Variants in ASMTL observed in about 807,000 individuals in gnomAD.
ASMTL encodes the protein acetylserotonin O-methyltransferase like, also known as probable bifunctional dTTP/UTP pyrophosphatase/methyltransferase protein.
Under a neutral mutation model 60.3 loss-of-function variants are expected in ASMTL, and 57 were observed. The ratio of observed to expected loss-of-function variants is 0.95; its 90% confidence interval spans 0.76 to 1.18. ASMTL has a LOEUF of 1.18. Among genes scored for constraint, ASMTL ranks in the 50% most tolerant of loss-of-function variants. The probability of loss-of-function intolerance (pLI) is 0.00; values close to 1 mark genes in which losing one functional copy is unlikely to be tolerated. For missense variants in ASMTL, 981 were observed against 852.6 expected (o/e 1.15, Z -1.88); for synonymous variants, 419 against 373.0 (o/e 1.12, Z -1.42).
In ASMTL at chrX:1,428,125, G is replaced by C; in HGVS notation, c.510-4C>G. 2 of 1,598,546 alleles carry C rather than the reference G, an allele frequency of 1.3e-6. No homozygotes were observed. The highest frequency in any genetic ancestry group is 1.7e-6 in the Non-Finnish European group (2 of 1,168,672). On this transcript the variant is annotated splice_region_variant and splice_polypyrimidine_tract_variant and intron_variant, in intron 6 of 12. Coordinates refer to ENST00000381317, the MANE Select transcript of ASMTL (RefSeq NM_004192.4). ...CCCGTAGCCGCCAGCTTTGTCCCTGGGTGGGCAGGGGAAGGTAAGAGGTGA... is the reference window on the plus strand; with the variant it reads ...CCCGTAGCCGCCAGCTTTGTCCCTGCGTGGGCAGGGGAAGGTAAGAGGTGA...
chrX:1,415,992 CAG>C (rs1389507812), intron 11 of ASMTL, among the ~76,000 whole-genome samples: 2 of 151,866 alleles, frequency 1.3e-5, no homozygotes, highest in African/African-American at 2.4e-5. Context: ...CATGGACACA[CAG>C]ATACAGCAAG....
intron 11 of ASMTL, among the ~76,000 whole-genome samples, chrX:1,417,340 C>A (rs1338879743): frequency 6.6e-6 from 1 of 151,778 alleles, no homozygotes; most frequent in Non-Finnish European, 1.5e-5. Context: ...CATATATCCA[C>A]ACGGATGCAC....
rs1199382256 is a variant in ASMTL at position 1,425,894 on chromosome X, T to A, written c.898-207A>T. Among the ~76,000 whole-genome samples the A allele has an allele frequency of 2.0e-5, 3 of 152,034 alleles. No individual in the cohort carries two copies. In the East Asian group the frequency reaches 5.8e-4, roughly 29 times the overall value. ...CAAGGAAAAAGCACATCAACGAATATCATGCAGAAAAACTAGCCCATGGGA... is the reference window on the plus strand; with the variant it reads ...CAAGGAAAAAGCACATCAACGAATAACATGCAGAAAAACTAGCCCATGGGA... On this transcript the variant is annotated intron_variant, in intron 7 of 12. Coordinates refer to ENST00000381317, the MANE Select transcript of ASMTL (RefSeq NM_004192.4).
chrX:1,428,358 A>G (rs1460183145), intron 6 of ASMTL, among the ~76,000 whole-genome samples: 1 of 151,482 alleles, frequency 6.6e-6, no homozygotes, highest in Non-Finnish European at 1.5e-5. Flanking sequence ...ATTTCACAGC[A>G]AGGCTGGGCG....
intron 5 of ASMTL, among the ~76,000 whole-genome samples, chrX:1,433,834 G>C (rs190621958): frequency 4.6e-5 from 7 of 152,222 alleles, no homozygotes; most frequent in Non-Finnish European, 1.0e-4. Flanking sequence ...CTTCTGTCTG[G>C]CACTTCCTGA....
chrX:1,417,975 G>A lies in ASMTL; in HGVS notation c.1520C>T (p.Ala507Val), dbSNP rs1455119086. 1.2e-6 allele frequency: 2 copies of A among 1,608,178 alleles called. No homozygotes were observed. Among genetic ancestry groups the A allele is most frequent in the Non-Finnish European group, 1.7e-6 (2 of 1,176,234 alleles). Residue 507 changes from alanine to valine, a missense_variant and splice_region_variant, in exon 11 of 13, where the codon GCA (alanine) becomes GTA (valine). By Grantham distance (64) the Ala-to-Val change is moderately conservative. Coordinates refer to ENST00000381317, the MANE Select transcript of ASMTL (RefSeq NM_004192.4). ...GGGTGAACAGGAGGAGGGCTCACCT[G>A]CTGCGAAGTGGATCTGCACTGCCTG... ...GPQAVQIHFA[A>V]GDFFRDPLPS... is the part of the protein sequence containing the mutation.
At chrX:1,422,371 GCTTC>G (rs2090504405) in intron 8 of ASMTL, among the ~76,000 whole-genome samples, 1 of 152,168 alleles carries the variant, frequency 6.6e-6, no homozygotes, top group Non-Finnish European at 1.5e-5. Context: ...TCCTGCCTGA[GCTTC>G]CAGCCTCCTG....
chrX:1,450,992 C>T (rs1486760763), intron 1 of ASMTL, among the ~76,000 whole-genome samples: 3 of 149,090 alleles, frequency 2.0e-5, no homozygotes, highest in African/African-American at 4.9e-5. Flanking sequence ...TCTCCCCTCC[C>T]CCATCCCTAG....
intron 1 of ASMTL, among the ~76,000 whole-genome samples, chrX:1,444,837 T>C (rs2091200197): frequency 6.6e-6 from 1 of 152,052 alleles, no homozygotes; most frequent in Admixed American, 6.6e-5. Context: ...AAGCAATTTG[T>C]GTGAGGAAGA....
At chrX:1,433,603 C>A (rs2090875868) in intron 5 of ASMTL, among the ~76,000 whole-genome samples, 2 of 151,726 alleles carry the variant, frequency 1.3e-5, no homozygotes, top group Non-Finnish European at 2.9e-5. Flanking sequence ...GGGCGTGAAC[C>A]CGGGAGGCGG....
intron 6 of ASMTL, among the ~76,000 whole-genome samples, chrX:1,428,978 C>A (rs1245477482): frequency 1.3e-5 from 2 of 151,444 alleles, no homozygotes; most frequent in East Asian, 3.9e-4. Flanking sequence ...CTCCCTGCAA[C>A]CTCCGCCTCC....
chrX:1,452,688 C>G (rs1408941072), intron 1 of ASMTL, 60 bp downstream of exon 1: 2 of 1,414,066 alleles, frequency 1.4e-6, no homozygotes, highest in Non-Finnish European at 9.6e-7. Context: ...AGTCGCTGGG[C>G]CCTCCGGGGT....
At position 1,442,240 on chromosome X, in the gene ASMTL, G is replaced by A. The variant is rs750646225; in HGVS notation, c.171C>T (p.Tyr57=). The change falls in exon 2 of 13, where the codon TAC becomes TAT. Residue 57 remains tyrosine, a synonymous_variant. Coordinates refer to ENST00000381317, the MANE Select transcript of ASMTL (RefSeq NM_004192.4). The part of the protein sequence containing the change: ...DKASFATPYG[Y]AMETAKQKAL... Reference sequence around the variant, plus strand: ...CCTTCTGCTTGGCGGTCTCCATGGCGTACCCATACGGAGTAGCGAAGGAGG... The same window carrying A: ...CCTTCTGCTTGGCGGTCTCCATGGCATACCCATACGGAGTAGCGAAGGAGG... 1.3e-5 allele frequency: 21 copies of A among 1,613,730 alleles called. No individual in the cohort carries two copies. The highest frequency in any genetic ancestry group is 7.7e-5 in the South Asian group (7 of 91,076).
At position 1,403,466 on chromosome X, in the gene ASMTL, T is replaced by C; in HGVS notation, c.1669A>G (p.Thr557Ala). ...ACCCTCTTCTCCTCATCCAGGAGCG[T>C]CTCCACCAGCAGCAGGCCGGCCCCT... ...KPGAGLLLVE[T>A]LLDEEKRVAQ... The change falls in exon 13 of 13, where the codon ACG (threonine) becomes GCG (alanine). Residue 557 changes from threonine to alanine, a missense_variant. Transcript: ENST00000381317. 6.2e-7 allele frequency: 1 copy of C among 1,612,992 alleles called. No individual in the cohort carries two copies. Among genetic ancestry groups the C allele is most frequent in the South Asian group, 1.1e-5 (1 of 91,076 alleles).
At chrX:1,416,546 CACAG>C (rs1254651068) in intron 11 of ASMTL, among the ~76,000 whole-genome samples, 2 of 91,768 alleles carry the variant, frequency 2.2e-5, no homozygotes, top group East Asian at 2.8e-4. Context: ...CGCACGGACA[CACAG>C]AGATACCCCA....
At chrX:1,432,038 G>A (rs1194130610) in intron 6 of ASMTL, 16 of 580,370 alleles carry the variant, frequency 2.8e-5, no homozygotes, top group Middle Eastern at 4.6e-4. Flanking sequence ...GCAGCCCAGC[G>A]TTGGCTCCCA....
intron 8 of ASMTL, among the ~76,000 whole-genome samples, chrX:1,424,406 A>G (rs866752682): frequency 9.5e-5 from 3 of 31,584 alleles, no homozygotes; most frequent in Admixed American, 3.7e-4. Context: ...CCATCCGTCT[A>G]TTCACCCACA....
intron 12 of ASMTL, among the ~76,000 whole-genome samples, chrX:1,411,193 AAAG>A (rs1345586904): frequency 3.4e-5 from 5 of 146,406 alleles, no homozygotes; most frequent in Admixed American, 7.1e-5. Context: ...CAAAAAAAAA[AAAG>A]AAGAGAGATA....
chrX:1,415,465 C>T (rs1204677260), intron 11 of ASMTL, among the ~76,000 whole-genome samples: 2 of 56,294 alleles, frequency 3.6e-5, no homozygotes, highest in Admixed American at 2.8e-4. Flanking sequence ...TTATTATTAT[C>T]ATTGTCTTTT....
Sources: gnomAD v4.1 joint callset for allele counts (sites outside exome capture counted in the v4.1 genomes callset) on GRCh38, gnomAD v4.1.1 for gene constraint, MANE v1.5 for transcripts, NCBI Gene and HGNC (gene_info 2026-07-23, HGNC 2026-07-21) for gene names.